RHOBTB2: variants seen among roughly 807,000 people sequenced by gnomAD.
RHOBTB2 encodes Rho related BTB domain containing 2.
A neutral mutation model predicts 66.5 loss-of-function variants in RHOBTB2; 39 were observed. That is an observed-to-expected ratio of 0.59 (90% CI 0.45 to 0.77). The LOEUF (loss-of-function observed/expected upper bound fraction) is 0.77. Ranked by LOEUF, RHOBTB2 falls within the 30% of genes least tolerant of loss-of-function variation. RHOBTB2 has a pLI of 0.00. For missense variants in RHOBTB2, 755 were observed against 999.1 expected (o/e 0.76, Z 3.29); for synonymous variants, 390 against 395.0 (o/e 0.99, Z 0.15).
At chr8:23,010,097 A>T (rs957550128) in intron 6 of RHOBTB2, among the ~76,000 whole-genome samples, 23 of 152,098 alleles carry the variant, frequency 1.5e-4, no homozygotes, top group African/African-American at 5.3e-4. Context: ...TCCTTCAAGC[A>T]TCCCGCGAGC....
rs1810696172 is a variant in RHOBTB2, at chr8:22,999,586, TCTC to T, written c.-524_-522del. ...GCTGTCGTCTTGGGTGCGATTTTTT[TCTC>T]CTCCTTTTTTTACCCTCCCGTTTTT... On this transcript the variant is annotated 5_prime_UTR_variant, in exon 1 of 10. Transcript: ENST00000251822. 35 of 1,225,926 alleles carry T rather than the reference TCTC, an allele frequency of 2.9e-5. No homozygotes were observed. In the South Asian group the frequency reaches 3.1e-4, roughly 11 times the overall value. The allele number at this position is 1,225,926 out of a possible 1,614,324, so 75.9% of individuals were successfully genotyped here.
In RHOBTB2 at chr8:22,999,991, G is replaced by T; in HGVS notation, c.-125G>T. ...GCCCAGCAGCAGCGCGGCGGCGCCG[G>T]CGTCGTCCCAACTTGCAGGCGCGGA... On this transcript the variant is annotated 5_prime_UTR_variant, in exon 1 of 10. Transcript: ENST00000251822. 1.0e-6 allele frequency: 1 copy of T among 985,616 alleles called. No homozygotes were observed. Among genetic ancestry groups the T allele is most frequent in the Non-Finnish European group, 1.2e-6 (1 of 830,066 alleles). 61.1% of individuals were successfully genotyped at this position (985,616 alleles called of 1,614,324 possible).
At chr8:22,954,335 T>C in the RHOBTB2 span, among the ~76,000 whole-genome samples, 1 of 152,230 alleles carries the variant, frequency 6.6e-6, no homozygotes, top group Non-Finnish European at 1.5e-5. Flanking sequence ...TGTTTTGTTT[T>C]TGTTTCTGTT....
upstream of RHOBTB2, among the ~76,000 whole-genome samples, chr8:22,995,027 A>G (rs1390819694): frequency 1.3e-5 from 2 of 152,224 alleles, no homozygotes; most frequent in Non-Finnish European, 2.9e-5. Flanking sequence ...TGGCCTCCCA[A>G]AGTGCTGGGA....
the RHOBTB2 span, among the ~76,000 whole-genome samples, chr8:22,958,103 A>G: frequency 6.6e-6 from 1 of 152,208 alleles, no homozygotes; most frequent in Non-Finnish European, 1.5e-5. Context: ...TTCAATATTT[A>G]ACTTTACCAC....
At position 23,004,631 on chromosome 8, in the gene RHOBTB2, G is replaced by T; in HGVS notation, c.192+5G>T. 6.2e-7 allele frequency: 1 copy of T among 1,610,790 alleles called. No individual in the cohort carries two copies. Among genetic ancestry groups the T allele is most frequent in the Non-Finnish European group, 8.5e-7 (1 of 1,178,882 alleles). On this transcript the variant is annotated splice_donor_5th_base_variant and intron_variant, in intron 2 of 9. Coordinates refer to ENST00000251822, the MANE Select transcript of RHOBTB2 (RefSeq NM_015178.3). The surrounding 1 kb of genome is among the most constrained non-coding windows in gnomAD (Gnocchi z 6.4). ...CAATATCGTGTGTGCCAGGAGGTAA[G>T]GCTGCAGGACTACCTGGCTGGGGGT...
chr8:23,007,199 C>T lies in RHOBTB2; in HGVS notation c.954C>T (p.Asp318=), dbSNP rs748013447. The T allele has an allele frequency of 1.9e-6, 3 of 1,604,642 alleles. No individual in the cohort carries two copies. Among genetic ancestry groups the T allele is most frequent in the Middle Eastern group, 1.7e-4 (1 of 6,044 alleles). Residue 318 remains aspartate, a synonymous_variant, in exon 5 of 10, where the codon GAC becomes GAT. Transcript: ENST00000251822. ...PSEPGGTHPE[D]HQGHSDQHHH... is the part of the protein sequence containing the mutation. Reference sequence around the variant, plus strand: ...AGCCAGGGGGCACCCACCCAGAGGACCACCAGGGCCACTCTGATCAACACC... The same window carrying T: ...AGCCAGGGGGCACCCACCCAGAGGATCACCAGGGCCACTCTGATCAACACC...
chr8:22,990,787 C>T (rs202167258), intron 1 of RHOBTB2, among the ~76,000 whole-genome samples: 2 of 152,304 alleles, frequency 1.3e-5, no homozygotes, highest in South Asian at 4.1e-4. Flanking sequence ...CGCCGCTCAA[C>T]CCAGGCCCCC....
chr8:23,015,121 C>T (rs1811253797), intron 8 of RHOBTB2, among the ~76,000 whole-genome samples: 1 of 152,208 alleles, frequency 6.6e-6, no homozygotes, highest in African/African-American at 2.4e-5. Context: ...ACCGCCTACT[C>T]CCTTAATCCC....
the RHOBTB2 span, among the ~76,000 whole-genome samples, chr8:22,972,364 G>A: frequency 6.6e-6 from 1 of 152,286 alleles, no homozygotes; most frequent in African/African-American, 2.4e-5. Flanking sequence ...TTTAATGGAG[G>A]AAATGGTCCA....
chr8:22,953,443 G>C, the RHOBTB2 span, among the ~76,000 whole-genome samples: 1 of 152,182 alleles, frequency 6.6e-6, no homozygotes, highest in East Asian at 1.9e-4. Flanking sequence ...GGGTGGGAGG[G>C]ACCCTCTCCT....
At chr8:22,968,506 AAT>A in the RHOBTB2 span, among the ~76,000 whole-genome samples, 2 of 152,202 alleles carry the variant, frequency 1.3e-5, no homozygotes, top group Non-Finnish European at 2.9e-5. Flanking sequence ...AACTTTACAA[AAT>A]AAGTCTAAAC....
chr8:22,971,843 C>T, the RHOBTB2 span, among the ~76,000 whole-genome samples: 1 of 144,954 alleles, frequency 6.9e-6, no homozygotes. Flanking sequence ...CTTCAGCTAT[C>T]CCCTTGCTGG....
rs1035913113 is a variant in RHOBTB2 at position 23,017,615 on chromosome 8, C to T, written c.*146C>T. On this transcript the variant is annotated 3_prime_UTR_variant, in exon 10 of 10. Transcript: ENST00000251822. This position sits in a 1 kb window ranked among gnomAD's most constrained non-coding sequence, Gnocchi z 5.3. ...AGGGTGGAGCTCTTCTTACCAGCCA[C>T]CGTGGCTCAGCCAGAGAGGAGCTGA... 6.0e-6 allele frequency: 8 copies of T among 1,323,068 alleles called. No individual in the cohort carries two copies. The African/African-American group carries it at 1.2e-4, about 19-fold the overall frequency. The allele number at this position is 1,323,068 out of a possible 1,614,324, so 82.0% of individuals were successfully genotyped here. A position where few individuals can be genotyped will look rare whatever the true frequency, so the allele number is the denominator to read the frequency against.
At chr8:22,977,753 A>T in the RHOBTB2 span, 1 of 152,154 alleles carries the variant, frequency 6.6e-6, no homozygotes, top group East Asian at 1.9e-4. Flanking sequence ...GTGGGGACAT[A>T]TTGGGATATA....
intron 6 of RHOBTB2, among the ~76,000 whole-genome samples, 153 bp from the exon 7 acceptor site, chr8:23,010,385 G>T (rs1366774586): frequency 6.6e-6 from 1 of 152,150 alleles, no homozygotes; most frequent in Non-Finnish European, 1.5e-5. Flanking sequence ...GTGTTCTCAG[G>T]GTCTTCTCAG....
At chr8:22,995,411 C>G (rs1425794297), upstream of RHOBTB2, among the ~76,000 whole-genome samples, 1 of 152,156 alleles carries the variant, frequency 6.6e-6, no homozygotes, top group African/African-American at 2.4e-5. Context: ...ATTAGGGGAG[C>G]ACAGGGGAAG....
At chr8:22,979,487 C>T in the RHOBTB2 span, among the ~76,000 whole-genome samples, 1 of 151,936 alleles carries the variant, frequency 6.6e-6, no homozygotes, top group African/African-American at 2.4e-5. Context: ...TGTGTGTGTG[C>T]ACGCATGTAC....
At chr8:22,994,688 TC>T, upstream of RHOBTB2, 1 of 1,452,150 alleles carries the variant, frequency 6.9e-7, no homozygotes, top group Non-Finnish European at 9.5e-7. Flanking sequence ...CATTGATTCA[TC>T]CATCGAGCAT....
Sources: gnomAD v4.1 joint callset for allele counts (sites outside exome capture counted in the v4.1 genomes callset) on GRCh38, gnomAD v4.1.1 for gene constraint, Gnocchi (gnomAD v3.1) non-coding constraint, MANE v1.5 for transcripts, NCBI Gene and HGNC (gene_info 2026-07-23, HGNC 2026-07-21) for gene names.